Variants in DNAH6 observed in about 807,000 individuals in gnomAD.
DNAH6 encodes dynein axonemal heavy chain 6, also known as axonemal beta dynein heavy chain 6.
Under a neutral mutation model 491.4 loss-of-function variants are expected in DNAH6, and 340 were observed. That is an observed-to-expected ratio of 0.69 (90% confidence interval 0.63 to 0.76). The LOEUF is 0.76. Among genes scored for constraint, DNAH6 ranks in the 30% least tolerant of loss-of-function variants. The pLI is 0.00. For synonymous variants in DNAH6, 1,603 were observed against 1,686.1 expected, an observed-to-expected ratio of 0.95 and a Z score of 1.21; for missense variants, 4,443 against 4,972.2, an observed-to-expected ratio of 0.89 and a Z score of 3.20.
Position 84,738,243 on chromosome 2 carries a change from A to C in DNAH6, c.10342+4664A>C, listed in dbSNP as rs145375116. 2.0e-3 allele frequency among the ~76,000 whole-genome samples: 304 copies of C among 152,200 alleles called. 1 individual carries two copies. The highest frequency in any genetic ancestry group is 7.2e-3 in the African/African-American group (298 of 41,556). On this transcript the variant is annotated intron_variant, in intron 62 of 76. Transcript: ENST00000389394. Reference sequence around the variant, plus strand: ...GTATGATATTGATATTTTTGTGTTTATTGAGACTTGCTTTATGACCAAGCA... The same window carrying C: ...GTATGATATTGATATTTTTGTGTTTCTTGAGACTTGCTTTATGACCAAGCA...
chr2:84,482,737 A>G, the DNAH6 span, among the ~76,000 whole-genome samples: 21 of 152,222 alleles, frequency 1.4e-4, no homozygotes, highest in Non-Finnish European at 2.2e-4. Flanking sequence ...ATGACACTCT[A>G]GGTTTTTTGG....
intron 37 of DNAH6, 127 bp from the exon 38 acceptor site, chr2:84,669,162 A>G: frequency 1.4e-6 from 1 of 713,950 alleles, no homozygotes; most frequent in Non-Finnish European, 2.4e-6. Flanking sequence ...ATGTATCTAC[A>G]AAGGAAAAAG....
intron 23 of DNAH6, among the ~76,000 whole-genome samples, chr2:84,617,305 A>T (rs1686951537): frequency 6.6e-6 from 1 of 152,092 alleles, no homozygotes; most frequent in Non-Finnish European, 1.5e-5. Flanking sequence ...CACATCATGT[A>T]AAATGGGGTA....
At chr2:84,570,297 G>T (rs1418150309) in intron 11 of DNAH6, among the ~76,000 whole-genome samples, 1 of 152,186 alleles carries the variant, frequency 6.6e-6, no homozygotes, top group Non-Finnish European at 1.5e-5. Flanking sequence ...GAACTTTTTT[G>T]TCTAGCTAGA....
chr2:84,547,158 A>G, intron 5 of DNAH6, 110 bp from the exon 6 acceptor site: 1 of 906,844 alleles, frequency 1.1e-6, no homozygotes. Context: ...GCAAAAGTTA[A>G]CACACAGAGG....
intron 63 of DNAH6, among the ~76,000 whole-genome samples, chr2:84,755,009 A>C (rs1263422817): frequency 6.6e-6 from 1 of 152,222 alleles, no homozygotes; most frequent in African/African-American, 2.4e-5. Flanking sequence ...TTCTTTTGTT[A>C]AACTTATTTT....
chr2:84,722,882 T>C lies in DNAH6; in HGVS notation c.9972+78T>C, dbSNP rs1192336. ...CTGTTGAATTACTTCTTGCTTCACA[T>C]AAGCCATAAGTCTAGTTATCAGGTA... is the stretch of plus-strand genomic sequence containing the variant. On this transcript the variant is annotated intron_variant, in intron 60 of 76. Coordinates refer to ENST00000389394, the MANE Select transcript of DNAH6 (RefSeq NM_001370.2). The C allele has an allele frequency of 0.21, 189,132 of 885,884 alleles. 22,210 individuals carry two copies. The highest frequency in any genetic ancestry group is 0.45 in the African/African-American group (25,586 of 57,116). The allele number at this position is 885,884 out of a possible 1,614,324, so 54.9% of individuals were successfully genotyped here. A position where few individuals can be genotyped will look rare whatever the true frequency, so the allele number is the denominator to read the frequency against.
chr2:84,615,960 T>C (rs1469392819), intron 22 of DNAH6, among the ~76,000 whole-genome samples: 1 of 151,962 alleles, frequency 6.6e-6, no homozygotes, highest in African/African-American at 2.4e-5. Flanking sequence ...GATAAGTCTT[T>C]AGGGTTATTT....
intron 3 of DNAH6, among the ~76,000 whole-genome samples, chr2:84,528,033 A>G (rs1330306887): frequency 1.3e-5 from 2 of 152,154 alleles, no homozygotes; most frequent in Non-Finnish European, 2.9e-5. Context: ...CTTCAAACAC[A>G]GTGATTAACC....
In DNAH6 at chr2:84,597,589, C is replaced by T. The variant is rs149325096; in HGVS notation, c.2868+1800C>T. Among the ~76,000 whole-genome samples, 19 of 152,282 alleles carry T rather than the reference C, an allele frequency of 1.2e-4. No homozygotes were observed. The East Asian group carries it at 1.4e-3, about 11-fold the overall frequency. ...GTTAAATATAGACCTACCATATTAC[C>T]AAGTGACTCTGCTCCCAGATATATG... On this transcript the variant is annotated intron_variant, in intron 18 of 76. Coordinates refer to ENST00000389394, the MANE Select transcript of DNAH6 (RefSeq NM_001370.2).
intron 73 of DNAH6, 138 bp downstream of exon 73, chr2:84,812,664 G>A (rs963338344): frequency 5.2e-6 from 4 of 766,370 alleles, no homozygotes. Context: ...GTCCAGAATG[G>A]CATCACTTTA....
intron 62 of DNAH6, among the ~76,000 whole-genome samples, chr2:84,741,047 A>C (rs1345446391): frequency 1.3e-5 from 2 of 152,142 alleles, no homozygotes; most frequent in Non-Finnish European, 2.9e-5. Context: ...GAGAGTGGGG[A>C]GCCCCTCTCA....
At chr2:84,742,915 G>T (rs2105032158) in intron 62 of DNAH6, among the ~76,000 whole-genome samples, 1 of 152,234 alleles carries the variant, frequency 6.6e-6, no homozygotes, top group African/African-American at 2.4e-5. Flanking sequence ...AGATTTATTG[G>T]ATTTCTAAAT....
At chr2:84,671,340 T>C (rs1260784306) in intron 39 of DNAH6, among the ~76,000 whole-genome samples, 2 of 151,594 alleles carry the variant, frequency 1.3e-5, no homozygotes, top group Non-Finnish European at 2.9e-5. Flanking sequence ...AGGGTGGGAG[T>C]CAGGACCTCA....
chr2:84,546,662 G>A (rs1678825936), intron 5 of DNAH6, among the ~76,000 whole-genome samples: 2 of 152,066 alleles, frequency 1.3e-5, no homozygotes, highest in African/African-American at 4.8e-5. Flanking sequence ...TATTTGGATT[G>A]CTTCCACTTT....
At chr2:84,675,263 C>A (rs1188947553) in intron 40 of DNAH6, among the ~76,000 whole-genome samples, 1 of 151,850 alleles carries the variant, frequency 6.6e-6, no homozygotes, top group Admixed American at 6.6e-5. Context: ...TCCTGACCTC[C>A]ATCTCCCTCA....
At chr2:84,610,358 A>G (rs1238377965) in intron 21 of DNAH6, among the ~76,000 whole-genome samples, 1 of 152,184 alleles carries the variant, frequency 6.6e-6, no homozygotes, top group Non-Finnish European at 1.5e-5. Flanking sequence ...GCCACATCCC[A>G]TAGCACCTGG....
intron 4 of DNAH6, among the ~76,000 whole-genome samples, chr2:84,535,725 T>A (rs1392885859): frequency 1.3e-5 from 2 of 151,010 alleles, no homozygotes; most frequent in Non-Finnish European, 3.0e-5. Flanking sequence ...TAGACCAACA[T>A]ATTAGATGAT....
intron 59 of DNAH6, among the ~76,000 whole-genome samples, chr2:84,721,378 T>A (rs1404568365): frequency 6.6e-6 from 1 of 152,264 alleles, no homozygotes; most frequent in East Asian, 1.9e-4. Context: ...ACAGGGAGAG[T>A]TTGATCTCTG....
Sources: gnomAD v4.1 joint callset for allele counts (sites outside exome capture counted in the v4.1 genomes callset) on GRCh38, gnomAD v4.1.1 for gene constraint, MANE v1.5 for transcripts, NCBI Gene and HGNC (gene_info 2026-07-23, HGNC 2026-07-21) for gene names.